LPAR3: variants seen among roughly 807,000 people sequenced by gnomAD.
The protein encoded by LPAR3 is lysophosphatidic acid receptor 3, also known as LPA receptor 3.
LPAR3 carries 7 observed loss-of-function variants against 17.8 expected under a neutral mutation model. That is an observed-to-expected ratio of 0.39 (90% CI 0.22 to 0.74). The LOEUF is 0.74. Ranked by LOEUF, LPAR3 falls within the 30% of genes least tolerant of loss-of-function variation. The pLI is 0.40. For missense variants in LPAR3, 391 were observed against 453.4 expected, an observed-to-expected ratio of 0.86 and a Z score of 1.25; for synonymous variants, 179 against 179.9, an observed-to-expected ratio of 0.99 and a Z score of 0.04.
chr1:84,874,597 T>A (rs975858906), intron 1 of LPAR3, among the ~76,000 whole-genome samples: 5 of 152,208 alleles, frequency 3.3e-5, no homozygotes, highest in African/African-American at 1.2e-4. Flanking sequence ...AGATGAATTT[T>A]ATGGGATCAG....
chr1:84,814,038 G>A lies in LPAR3; in HGVS notation c.870C>T (p.Pro290=). The stretch of plus-strand genomic sequence containing the variant: ...CCTCGTCCTTGTAGGAGTAGATGAT[G>A]GGGTTCACGACGGAGTTGAGCAGCG... The part of the protein sequence containing the change: ...LLALLNSVVN[P]IIYSYKDEDM... The change falls in exon 3 of 3, where the codon CCC becomes CCT. Residue 290 remains proline, a synonymous_variant. Coordinates refer to ENST00000370611, the MANE Select transcript of LPAR3 (RefSeq NM_012152.3). The A allele has an allele frequency of 6.2e-7, 1 of 1,614,130 alleles. No homozygotes were observed. The highest frequency in any genetic ancestry group is 8.5e-7 in the Non-Finnish European group (1 of 1,180,010).
At chr1:84,845,915 A>G (rs1659588203) in intron 2 of LPAR3, among the ~76,000 whole-genome samples, 1 of 152,198 alleles carries the variant, frequency 6.6e-6, no homozygotes, top group South Asian at 2.1e-4. Flanking sequence ...TATACAAACA[A>G]GGTACACAAA....
chr1:84,868,646 C>T (rs1175628609), intron 1 of LPAR3, among the ~76,000 whole-genome samples: 2 of 152,080 alleles, frequency 1.3e-5, no homozygotes, highest in Non-Finnish European at 2.9e-5. Flanking sequence ...TAGGTGGGGA[C>T]TTTGGGAAGT....
chr1:84,873,258 T>C (rs1660190756), intron 1 of LPAR3, among the ~76,000 whole-genome samples: 1 of 152,194 alleles, frequency 6.6e-6, no homozygotes. Context: ...GCAACAAATA[T>C]ACCACAGTAA....
At chr1:84,818,996 T>C (rs1658996747) in intron 2 of LPAR3, among the ~76,000 whole-genome samples, 1 of 152,222 alleles carries the variant, frequency 6.6e-6, no homozygotes, top group Admixed American at 6.5e-5. Context: ...TTTGGTTTCA[T>C]TTTCCCCCTT....
intron 2 of LPAR3, among the ~76,000 whole-genome samples, chr1:84,852,321 T>G (rs574669704): frequency 2.4e-4 from 36 of 152,166 alleles, no homozygotes; most frequent in Non-Finnish European, 4.3e-4. Flanking sequence ...CCTCGTGATC[T>G]GCCCTCCTCG....
At chr1:84,843,518 C>T (rs1659544964) in intron 2 of LPAR3, among the ~76,000 whole-genome samples, 1 of 152,206 alleles carries the variant, frequency 6.6e-6, no homozygotes, top group Admixed American at 6.5e-5. Flanking sequence ...GCTGGAGGTG[C>T]AGTGGGTCTA....
chr1:84,884,769 TAACCTGGTAGC>T (rs1363922828), intron 1 of LPAR3, among the ~76,000 whole-genome samples: 4 of 152,182 alleles, frequency 2.6e-5, no homozygotes, highest in African/African-American at 9.7e-5. Context: ...AGACAAGTAA[TAACCTGGTAGC>T]AATCCATGGA....
intron 2 of LPAR3, among the ~76,000 whole-genome samples, chr1:84,859,170 T>G (rs1323472046): frequency 6.6e-6 from 1 of 152,196 alleles, no homozygotes; most frequent in Middle Eastern, 3.2e-3. Context: ...AAAGACACAG[T>G]ACTGCAGAAA....
In LPAR3 at chr1:84,825,771, A is replaced by G. The variant is rs532969736; in HGVS notation, c.737-11600T>C. ...TCCTATCTCAAACAGAGAAAGGCCCAGGAGGCCGGGCCTACTATCCTGCCT... is the reference window on the plus strand; with the variant it reads ...TCCTATCTCAAACAGAGAAAGGCCCGGGAGGCCGGGCCTACTATCCTGCCT... On this transcript the variant is annotated intron_variant, in intron 2 of 2. Coordinates refer to ENST00000370611, the MANE Select transcript of LPAR3 (RefSeq NM_012152.3). Among the ~76,000 whole-genome samples, 140 of 152,354 alleles carry G rather than the reference A, an allele frequency of 9.2e-4. 1 individual carries two copies. Among genetic ancestry groups the G allele is most frequent in the Middle Eastern group, 3.4e-3 (1 of 294 alleles).
At chr1:84,815,497 T>C (rs894690392) in intron 2 of LPAR3, among the ~76,000 whole-genome samples, 3 of 152,182 alleles carry the variant, frequency 2.0e-5, no homozygotes, top group African/African-American at 7.2e-5. Flanking sequence ...TGCATAGTAT[T>C]TCTCTTGTTG....
intron 2 of LPAR3, among the ~76,000 whole-genome samples, chr1:84,830,930 G>A (rs1043048227): frequency 1.3e-5 from 2 of 152,122 alleles, no homozygotes; most frequent in African/African-American, 4.8e-5. Context: ...CTGTTCCCAA[G>A]CTTTGCAAGC....
chr1:84,892,320 T>C (rs1308933006), intron 1 of LPAR3, among the ~76,000 whole-genome samples: 1 of 152,180 alleles, frequency 6.6e-6, no homozygotes, highest in Non-Finnish European at 1.5e-5. Context: ...AAGACTAAAT[T>C]GTTTCCAATA....
chr1:84,867,670 A>G (rs987636703), intron 1 of LPAR3, among the ~76,000 whole-genome samples: 4 of 152,190 alleles, frequency 2.6e-5, no homozygotes, highest in African/African-American at 9.6e-5. Flanking sequence ...AGTAGTCTCA[A>G]GAGACAAATG....
At chr1:84,839,911 A>G (rs897566911) in intron 2 of LPAR3, among the ~76,000 whole-genome samples, 1 of 152,160 alleles carries the variant, frequency 6.6e-6, no homozygotes, top group Non-Finnish European at 1.5e-5. Context: ...AGCTCCTGGC[A>G]AATACAATTA....
chr1:84,829,208 G>A (rs1347609374), intron 2 of LPAR3, among the ~76,000 whole-genome samples: 2 of 69,150 alleles, frequency 2.9e-5, no homozygotes, highest in African/African-American at 1.2e-4. Context: ...TGGATGGATT[G>A]ATTTGCTTTT....
At chr1:84,818,732 C>A (rs909076240) in intron 2 of LPAR3, among the ~76,000 whole-genome samples, 1 of 152,154 alleles carries the variant, frequency 6.6e-6, no homozygotes. Context: ...TTGAGATAAA[C>A]GTATCATACA....
intron 2 of LPAR3, among the ~76,000 whole-genome samples, chr1:84,864,699 C>T (rs1194674254): frequency 6.6e-6 from 1 of 152,042 alleles, no homozygotes; most frequent in Admixed American, 6.6e-5. Context: ...AGGAGAATTG[C>T]TTGAACTCGG....
At chr1:84,873,219 G>A (rs139396902) in intron 1 of LPAR3, among the ~76,000 whole-genome samples, 24 of 152,226 alleles carry the variant, frequency 1.6e-4, no homozygotes, top group African/African-American at 4.6e-4. Context: ...TTTAGTTAAC[G>A]TTAACATATC....
Sources: allele counts gnomAD v4.1 joint callset (sites outside exome capture counted in the v4.1 genomes callset), GRCh38; gene constraint gnomAD v4.1.1; transcripts MANE v1.5; gene names NCBI Gene and HGNC (gene_info 2026-07-23, HGNC 2026-07-21).